SRGAP2C: variants seen among roughly 807,000 people sequenced by gnomAD.
SRGAP2C encodes the protein SLIT-ROBO Rho GTPase-activating protein 2C.
In SRGAP2C, 15 loss-of-function variants were observed where a neutral mutation model predicts 25.1. The observed-to-expected ratio is 0.60, with a 90% CI of 0.40 to 0.92. SRGAP2C has a LOEUF of 0.92. Among genes scored for constraint, SRGAP2C ranks in the 40% least tolerant of loss-of-function variants. SRGAP2C has a pLI of 0.00. For missense variants in SRGAP2C, 144 were observed against 264.4 expected (o/e 0.54, Z 3.16); for synonymous variants, 44 against 96.6 (o/e 0.46, Z 3.19).
At chr1:121,357,629 G>A (rs1193810072) in intron 4 of SRGAP2C, among the ~76,000 whole-genome samples, 2 of 127,788 alleles carry the variant, frequency 1.6e-5, no homozygotes, top group Non-Finnish European at 3.3e-5. Context: ...TGCAACAGCA[G>A]GCATAAGGAA....
chr1:121,372,929 C>T (rs1659536919), intron 5 of SRGAP2C, among the ~76,000 whole-genome samples: 1 of 95,908 alleles, frequency 1.0e-5, no homozygotes, highest in South Asian at 2.9e-4. Flanking sequence ...CCAACTTCTA[C>T]TCTCTAATTA....
intron 2 of SRGAP2C, among the ~76,000 whole-genome samples, chr1:121,232,612 T>C (rs1655847581): frequency 6.8e-6 from 1 of 147,974 alleles, no homozygotes; most frequent in Non-Finnish European, 1.5e-5. Context: ...CCCGTGGTTT[T>C]GCTGCATCTA....
At chr1:121,285,303 G>C (rs1408610383) in intron 3 of SRGAP2C, among the ~76,000 whole-genome samples, 2 of 150,012 alleles carry the variant, frequency 1.3e-5, no homozygotes, top group Non-Finnish European at 3.0e-5. Context: ...TCCATATGAT[G>C]GTTATTGTTA....
Position 121,391,666 on chromosome 1 carries a change from AT to A in SRGAP2C, c.*3812del, listed in dbSNP as rs1280748513. On this transcript the variant is annotated 3_prime_UTR_variant, in exon 10 of 10. Transcript: ENST00000367123. ...TTGGAAAATTTCACTAAAAAAAAAA[AT>A]CCTTAACAATATAATAAGTAAAGAA... 3.3e-5 allele frequency: 5 copies of A among 151,378 alleles called. No homozygotes were observed. Among genetic ancestry groups the A allele is most frequent in the Non-Finnish European group, 7.3e-5 (5 of 68,034 alleles). 9.4% of individuals were successfully genotyped at this position (151,378 alleles called of 1,614,324 possible).
intron 2 of SRGAP2C, among the ~76,000 whole-genome samples, chr1:121,210,339 A>G (rs1163306906): frequency 2.0e-5 from 3 of 149,248 alleles, no homozygotes; most frequent in Non-Finnish European, 1.5e-5. Context: ...AAAAGATTAC[A>G]TTCCTTCTCA....
rs1203362201 is a variant in SRGAP2C at position 121,355,305 on chromosome 1, C to CTTTT, written c.424-9961_424-9958dup. 1.6e-4 allele frequency among the ~76,000 whole-genome samples: 6 copies of CTTTT among 37,316 alleles called. 1 individual carries two copies. Among genetic ancestry groups the CTTTT allele is most frequent in the Admixed American group, 5.6e-4 (1 of 1,782 alleles). The allele number at this position is 37,316 out of a possible 152,430, so 24.5% of individuals were successfully genotyped here. A position where few individuals can be genotyped will look rare whatever the true frequency, so the allele number is the denominator to read the frequency against. ...TGACAACTGCGGGTAGATACACATT[C>CTTTT]TTTTTTTTTTTTTTTTTTTTTTTTT... On this transcript the variant is annotated intron_variant, in intron 4 of 9. Transcript: ENST00000367123.
At chr1:121,336,179 C>T (rs1658511431) in intron 4 of SRGAP2C, among the ~76,000 whole-genome samples, 1 of 152,096 alleles carries the variant, frequency 6.6e-6, no homozygotes, top group African/African-American at 2.4e-5. Context: ...GACCAACTAT[C>T]CTGTTTGCCT....
intron 4 of SRGAP2C, among the ~76,000 whole-genome samples, chr1:121,350,593 A>T (rs1658877149): frequency 6.6e-6 from 1 of 151,594 alleles, no homozygotes; most frequent in African/African-American, 2.4e-5. Context: ...AAAAAAAAAT[A>T]ACTCAAAATG....
intron 3 of SRGAP2C, among the ~76,000 whole-genome samples, chr1:121,304,028 C>A (rs1212821150): frequency 2.2e-4 from 28 of 125,000 alleles, no homozygotes; most frequent in African/African-American, 7.3e-4. Context: ...CACGGTGAAA[C>A]CCTGTCTCTA....
intron 4 of SRGAP2C, among the ~76,000 whole-genome samples, chr1:121,363,868 G>A (rs1659258209): frequency 6.6e-6 from 1 of 150,740 alleles, no homozygotes; most frequent in Non-Finnish European, 1.5e-5. Context: ...AACACTTAGA[G>A]TGGTGATTTC....
chr1:121,249,601 A>G (rs1480637491), intron 2 of SRGAP2C, among the ~76,000 whole-genome samples: 2 of 49,964 alleles, frequency 4.0e-5, no homozygotes, highest in Admixed American at 2.4e-4. Context: ...TTTTTTTTAA[A>G]TTATACTTTA....
At chr1:121,306,132 A>T (rs1157683571) in intron 3 of SRGAP2C, among the ~76,000 whole-genome samples, 6,869 of 152,054 alleles carry the variant, frequency 0.045, 536 homozygotes, top group African/African-American at 0.16. Context: ...TTTGTAGGTC[A>T]AATAATTCAC....
intron 2 of SRGAP2C, among the ~76,000 whole-genome samples, chr1:121,260,392 T>C (rs1420187586): frequency 2.0e-5 from 3 of 151,904 alleles, no homozygotes; most frequent in Admixed American, 6.6e-5. Context: ...CCACTGTGGC[T>C]GAAGCAGAGT....
At chr1:121,329,101 C>G (rs1261341502) in intron 4 of SRGAP2C, among the ~76,000 whole-genome samples, 7 of 141,142 alleles carry the variant, frequency 5.0e-5, no homozygotes, top group Non-Finnish European at 1.1e-4. Context: ...ATCCCAGCTA[C>G]TCAAGAGATT....
At chr1:121,315,062 C>T (rs1658065514) in intron 3 of SRGAP2C, 3 of 913,128 alleles carry the variant, frequency 3.3e-6, no homozygotes, top group African/African-American at 1.8e-5. Context: ...CCATGTTGCT[C>T]CCCGAGGGTG....
At chr1:121,377,124 C>T (rs1443650645) in intron 7 of SRGAP2C, among the ~76,000 whole-genome samples, 18 of 88,398 alleles carry the variant, frequency 2.0e-4, no homozygotes, top group African/African-American at 3.8e-4. Flanking sequence ...AAAAAAAAAA[C>T]GTCTGCTAAG....
intron 4 of SRGAP2C, among the ~76,000 whole-genome samples, chr1:121,347,716 G>A (rs1269314767): frequency 6.6e-6 from 1 of 152,222 alleles, no homozygotes; most frequent in African/African-American, 2.4e-5. Context: ...GGGCTGTGGA[G>A]AGAAAGGCAC....
At chr1:121,201,042 T>TTC (rs587668392) in intron 2 of SRGAP2C, among the ~76,000 whole-genome samples, 1 of 131,294 alleles carries the variant, frequency 7.6e-6, no homozygotes, top group Non-Finnish European at 1.6e-5. Context: ...TTTTTTTTTT[T>TTC]CTTTGTTTTC....
At chr1:121,211,130 C>A (rs1553323568) in intron 2 of SRGAP2C, among the ~76,000 whole-genome samples, 1 of 151,210 alleles carries the variant, frequency 6.6e-6, no homozygotes, top group Non-Finnish European at 1.5e-5. Flanking sequence ...CTGAAGGACT[C>A]TTCAGCAATT....
Sources: allele counts gnomAD v4.1 joint callset (sites outside exome capture counted in the v4.1 genomes callset), GRCh38; gene constraint gnomAD v4.1.1; transcripts MANE v1.5; gene names NCBI Gene and HGNC (gene_info 2026-07-23, HGNC 2026-07-21).